ST18: variants seen among roughly 807,000 people sequenced by gnomAD.
ST18 encodes the protein suppression of tumorigenicity 18 protein.
In ST18, 50 loss-of-function variants were observed where a neutral mutation model predicts 110.0. That is an observed-to-expected ratio of 0.45 (90% CI 0.36 to 0.58). The LOEUF is 0.58. Ranked by LOEUF, ST18 falls within the 20% of genes least tolerant of loss-of-function variation. The probability of loss-of-function intolerance (pLI) is 0.00; values close to 1 mark genes in which losing one functional copy is unlikely to be tolerated. For synonymous variants in ST18, 461 were observed against 452.4 expected (o/e 1.02, Z -0.24); for missense variants, 1,306 against 1,280.1 (o/e 1.02, Z -0.31).
chr8:52,198,117 C>T (rs1167401116), intron 8 of ST18, among the ~76,000 whole-genome samples: 1 of 152,132 alleles, frequency 6.6e-6, no homozygotes, highest in African/African-American at 2.4e-5. Context: ...CGTGATTCTC[C>T]TGCCTCAGCC....
At chr8:52,243,441 T>C (rs1439748400) in intron 2 of ST18, among the ~76,000 whole-genome samples, 2 of 152,182 alleles carry the variant, frequency 1.3e-5, no homozygotes, top group African/African-American at 4.8e-5. Context: ...TGACACTATA[T>C]TGCTGACACA....
At chr8:52,408,640 T>C (rs1845377875) in intron 2 of ST18, among the ~76,000 whole-genome samples, 1 of 152,230 alleles carries the variant, frequency 6.6e-6, no homozygotes, top group Admixed American at 6.5e-5. Flanking sequence ...TAGTGACCAA[T>C]GCAGTATTTG....
chr8:52,296,940 G>A (rs1477712045), intron 2 of ST18, among the ~76,000 whole-genome samples: 2 of 151,832 alleles, frequency 1.3e-5, no homozygotes, highest in Non-Finnish European at 2.9e-5. Flanking sequence ...TATCAATAAG[G>A]TATAATTAAA....
chr8:52,259,424 T>G (rs1231955434), intron 2 of ST18, among the ~76,000 whole-genome samples: 1 of 152,244 alleles, frequency 6.6e-6, no homozygotes, highest in African/African-American at 2.4e-5. Flanking sequence ...AATCTCTACA[T>G]GTAGACTCTG....
intron 3 of ST18, among the ~76,000 whole-genome samples, chr8:52,228,763 G>A (rs2090362180): frequency 6.6e-6 from 1 of 152,116 alleles, no homozygotes; most frequent in Non-Finnish European, 1.5e-5. Context: ...GAAAGAGGTA[G>A]AACCAGGATT....
At chr8:52,294,813 G>C (rs1413844525) in intron 2 of ST18, among the ~76,000 whole-genome samples, 1 of 152,176 alleles carries the variant, frequency 6.6e-6, no homozygotes, top group African/African-American at 2.4e-5. Flanking sequence ...TGTGATTCTT[G>C]GCAGGGTAGA....
chr8:52,349,146 G>C (rs1259037058), intron 2 of ST18, among the ~76,000 whole-genome samples: 1 of 152,108 alleles, frequency 6.6e-6, no homozygotes, highest in East Asian at 1.9e-4. Flanking sequence ...AAGTCCTCCA[G>C]GTTCATCCAT....
At chr8:52,375,772 T>C (rs552963793) in intron 2 of ST18, among the ~76,000 whole-genome samples, 1 of 152,244 alleles carries the variant, frequency 6.6e-6, no homozygotes, top group South Asian at 2.1e-4. Flanking sequence ...GTATCTCCAC[T>C]AGGATGTCTT....
intron 9 of ST18, among the ~76,000 whole-genome samples, chr8:52,175,324 A>T (rs10106047): frequency 6.6e-6 from 1 of 152,106 alleles, no homozygotes; most frequent in Non-Finnish European, 1.5e-5. Flanking sequence ...TTTACCTAGG[A>T]TAATTACTAA....
intron 2 of ST18, among the ~76,000 whole-genome samples, chr8:52,320,137 TA>T (rs1186944304): frequency 6.6e-6 from 1 of 152,194 alleles, no homozygotes; most frequent in Non-Finnish European, 1.5e-5. Flanking sequence ...ACATTTTCCT[TA>T]AAGATACAGT....
chr8:52,134,666 G>A (rs956873657), intron 19 of ST18, among the ~76,000 whole-genome samples: 2 of 151,738 alleles, frequency 1.3e-5, no homozygotes, highest in African/African-American at 4.8e-5. Context: ...TGGCTAACCA[G>A]AGCAACCTGC....
chr8:52,125,817 A>T (rs1391977814), intron 23 of ST18: 3 of 498,086 alleles, frequency 6.0e-6, no homozygotes, highest in Non-Finnish European at 1.1e-5. Flanking sequence ...AATCCATCAT[A>T]CCCCACTGCC....
rs558584462 is a variant in ST18 at position 52,345,781 on chromosome 8, G to A, written c.-465+63547C>T. ...GTATTCTGACATTTGGTAGGGCCTCGGCTTGACTCCTTTCTTATCTGCTTA... is the reference window on the plus strand; with the variant it reads ...GTATTCTGACATTTGGTAGGGCCTCAGCTTGACTCCTTTCTTATCTGCTTA... On this transcript the variant is annotated intron_variant, in intron 2 of 25. Transcript: ENST00000689386. 3.9e-5 allele frequency among the ~76,000 whole-genome samples: 6 copies of A among 152,230 alleles called. No individual in the cohort carries two copies. The South Asian group carries it at 6.2e-4, about 16-fold the overall frequency.
chr8:52,317,578 C>A (rs1273167173), intron 2 of ST18, among the ~76,000 whole-genome samples: 2 of 152,198 alleles, frequency 1.3e-5, no homozygotes. Context: ...ATTGCTGGAC[C>A]TGACTGTTTC....
intron 9 of ST18, among the ~76,000 whole-genome samples, chr8:52,174,391 T>A (rs1456369920): frequency 6.6e-6 from 1 of 152,230 alleles, no homozygotes; most frequent in East Asian, 1.9e-4. Flanking sequence ...TTTCAGTGAA[T>A]ATGCTCAATT....
At chr8:52,186,378 G>A (rs1406832100) in intron 8 of ST18, among the ~76,000 whole-genome samples, 5 of 152,158 alleles carry the variant, frequency 3.3e-5, no homozygotes, top group South Asian at 2.1e-4. Context: ...TACTGCTCAT[G>A]CCAACTGGGA....
intron 2 of ST18, among the ~76,000 whole-genome samples, chr8:52,348,982 G>C (rs908609876): frequency 7.2e-5 from 11 of 151,952 alleles, no homozygotes; most frequent in Non-Finnish European, 1.6e-4. Flanking sequence ...TGTACCCTTT[G>C]ACCAACATCT....
In ST18 at chr8:52,137,447, C is replaced by T; in HGVS notation, c.2205G>A (p.Val735=). ...PTPGCDGSGH[V]TGNYASHRSV... ...TGCGATGAGATGCATAGTTTCCTGT[C>T]ACGTGGCCACTTCCATCACATCCTG... The change falls in exon 18 of 26, where the codon GTG becomes GTA. Residue 735 remains valine (V), a synonymous_variant. Coordinates refer to ENST00000689386, the MANE Select transcript of ST18 (RefSeq NM_001352837.2). 1 of 1,614,112 alleles carries T rather than the reference C, an allele frequency of 6.2e-7. No individual in the cohort carries two copies. The highest frequency in any genetic ancestry group is 8.5e-7 in the Non-Finnish European group (1 of 1,180,006).
rs2062175254 is a variant in ST18, at chr8:52,164,050, T to C, written c.1336A>G (p.Met446Val). Residue 446 changes from methionine to valine, a missense_variant, in exon 13 of 26, where the codon ATG becomes GTG. By Grantham distance (21) the Met-to-Val change is conservative. Transcript: ENST00000689386. Reference sequence around the variant, plus strand: ...TCAAGCTGATTTTTATCCTGGGACATTGCCAATTTTTCAGCTGCAGCAATT... The same window carrying C: ...TCAAGCTGATTTTTATCCTGGGACACTGCCAATTTTTCAGCTGCAGCAATT... ...CPIAAAEKLA[M>V]SQDKNQLDSP... The C allele has an allele frequency of 6.2e-7, 1 of 1,614,144 alleles. No individual in the cohort carries two copies. Among genetic ancestry groups the C allele is most frequent in the East Asian group, 2.2e-5 (1 of 44,874 alleles).
Sources: allele counts gnomAD v4.1 joint callset (sites outside exome capture counted in the v4.1 genomes callset), GRCh38; gene constraint gnomAD v4.1.1; transcripts MANE v1.5; gene names NCBI Gene and HGNC (gene_info 2026-07-23, HGNC 2026-07-21).